Variants in ATP2A1 observed in about 807,000 individuals in gnomAD.
The protein encoded by ATP2A1 is sarcoplasmic/endoplasmic reticulum calcium ATPase 1.
A neutral mutation model predicts 109.5 loss-of-function variants in ATP2A1; 83 were observed. The observed-to-expected ratio is 0.76, with a 90% CI of 0.63 to 0.91. The LOEUF (loss-of-function observed/expected upper bound fraction) is 0.91, where lower values mean the gene tolerates loss of function less well. Ranked by LOEUF, ATP2A1 falls within the 40% of genes least tolerant of loss-of-function variation. The pLI is 0.00. For missense variants in ATP2A1, 1,101 were observed against 1,341.0 expected, an observed-to-expected ratio of 0.82 and a Z score of 2.80; for synonymous variants, 505 against 537.6, an observed-to-expected ratio of 0.94 and a Z score of 0.84.
intron 14 of ATP2A1, among the ~76,000 whole-genome samples, chr16:28,900,301 C>G (rs928464953): frequency 1.3e-5 from 2 of 149,950 alleles, no homozygotes; most frequent in African/African-American, 5.0e-5. Context: ...AGAGCAATAC[C>G]CTGTCTCAAA....
chr16:28,903,146 CGGTG>C lies in ATP2A1; in HGVS notation c.2862_2862+3del. On this transcript the variant is annotated splice_donor_variant and splice_donor_region_variant and coding_sequence_variant and intron_variant, in exon 20 of 23. Transcript: ENST00000395503. LOFTEE classifies it high-confidence loss of function. This position sits in a 1 kb window ranked among gnomAD's most constrained non-coding sequence, Gnocchi z 5.6. Reference sequence around the variant, plus strand: ...CTCATCCTCTATGTTGACCCCCTGCCGGTGAGGTTTCTTCCGCCCAGGGCCGCCC... The same window carrying C: ...CTCATCCTCTATGTTGACCCCCTGCCAGGTTTCTTCCGCCCAGGGCCGCCC... 6.2e-7 allele frequency: 1 copy of C among 1,613,484 alleles called. No homozygotes were observed. The highest frequency in any genetic ancestry group is 2.2e-5 in the East Asian group (1 of 44,862).
rs908803462 is a variant in ATP2A1 at position 28,882,469 on chromosome 16, G to A, written c.343G>A (p.Ala115Thr). 2 of 1,614,190 alleles carry A rather than the reference G, an allele frequency of 1.2e-6. No homozygotes were observed. Among genetic ancestry groups the A allele is most frequent in the South Asian group, 1.1e-5 (1 of 91,088 alleles). The change falls in exon 5 of 23, where the codon GCC becomes ACC. Residue 115 changes from alanine (A) to threonine (T), a missense_variant. Ala to Thr is a moderately conservative substitution (Grantham distance 58). Transcript: ENST00000395503. ...GVWQERNAENAIEALKEYEPE... is the reference protein window; with the variant it reads ...GVWQERNAENTIEALKEYEPE... ...TCCTCAGGAGCGGAACGCAGAGAAC[G>A]CCATCGAGGCCCTGAAGGAGTATGA...
chr16:28,898,362 C>A lies in ATP2A1; in HGVS notation c.1675C>A (p.Leu559Met), dbSNP rs1963975097. The part of the protein sequence containing the change: ...IKEWGTGRDT[L>M]RCLALATRDT... ...GGAGTGGGGCACTGGCCGGGACACCCTGCGCTGCTTGGCCCTGGCCACCCG... is the reference window on the plus strand; with the variant it reads ...GGAGTGGGGCACTGGCCGGGACACCATGCGCTGCTTGGCCCTGGCCACCCG... Residue 559 changes from leucine (L) to methionine (M), a missense_variant, in exon 14 of 23, where the codon CTG (leucine) becomes ATG (methionine). Coordinates refer to ENST00000395503, the MANE Select transcript of ATP2A1 (RefSeq NM_004320.6). The surrounding 1 kb of genome is among the most constrained non-coding windows in gnomAD (Gnocchi z 4.0). 6.2e-7 allele frequency: 1 copy of A among 1,614,074 alleles called. No individual in the cohort carries two copies. The highest frequency in any genetic ancestry group is 1.3e-5 in the African/African-American group (1 of 74,946).
At chr16:28,882,071 G>A in intron 4 of ATP2A1, among the ~76,000 whole-genome samples, 1 of 149,274 alleles carries the variant, frequency 6.7e-6, no homozygotes. Context: ...CAAGTAGCTG[G>A]GATTACAGGC....
chr16:28,887,858 T>G (rs962914107), intron 8 of ATP2A1, 136 bp downstream of exon 8: 6 of 1,169,768 alleles, frequency 5.1e-6, no homozygotes, highest in Non-Finnish European at 7.3e-6. Flanking sequence ...TGGAGTGCAG[T>G]GGCGTGATCT....
intron 4 of ATP2A1, 54 bp downstream of exon 4, chr16:28,881,073 A>C: frequency 1.3e-6 from 2 of 1,543,464 alleles, no homozygotes; most frequent in Non-Finnish European, 1.8e-6. Flanking sequence ...AGAAGAGGCC[A>C]ACCCTCCCTC....
rs1254530668 is a variant in ATP2A1 at position 28,900,575 on chromosome 16, C to T, written c.1765-6C>T. On this transcript the variant is annotated splice_polypyrimidine_tract_variant and splice_region_variant and intron_variant, in intron 14 of 22. Coordinates refer to ENST00000395503, the MANE Select transcript of ATP2A1 (RefSeq NM_004320.6). ...TGACCTGTGGCTCTCTGCTGTATCT[C>T]CCCAGACGGACCTGACATTCGTGGG... The T allele has an allele frequency of 1.3e-6, 2 of 1,552,002 alleles. No individual in the cohort carries two copies. The highest frequency in any genetic ancestry group is 1.7e-6 in the Non-Finnish European group (2 of 1,145,714).
At position 28,883,521 on chromosome 16, in the gene ATP2A1, A is replaced by G. The variant is rs371416761; in HGVS notation, c.463+932A>G. 3.9e-5 allele frequency among the ~76,000 whole-genome samples: 6 copies of G among 152,216 alleles called. No individual in the cohort carries two copies. In the East Asian group the frequency reaches 7.7e-4, roughly 20 times the overall value. ...CTCTGGCACAGGAGGGATCCTTAGAAACAGAGGGAAAGGAAAGCGATTGGA... is the reference window on the plus strand; with the variant it reads ...CTCTGGCACAGGAGGGATCCTTAGAGACAGAGGGAAAGGAAAGCGATTGGA... On this transcript the variant is annotated intron_variant, in intron 5 of 22. Transcript: ENST00000395503. This position sits in a 1 kb window ranked among gnomAD's most constrained non-coding sequence, Gnocchi z 5.2.
chr16:28,900,477 ACCACTTCCTGACCTTTC>A, intron 14 of ATP2A1, 87 bp from the exon 15 acceptor site: 2 of 360,970 alleles, frequency 5.5e-6, no homozygotes, highest in Non-Finnish European at 8.5e-6. Context: ...ACCCCTCCCC[ACCACTTCCTGACCTTTC>A]ACCCCATCCC....
rs1328418215 is a variant in ATP2A1, at chr16:28,900,634, G to C, written c.1818G>C (p.Glu606Asp). The change falls in exon 15 of 23, where the codon GAG (glutamate) becomes GAC (aspartate). Residue 606 changes from glutamate (E) to aspartate (D), a missense_variant. Transcript: ENST00000395503. Reference sequence around the variant, plus strand: ...GCATGCTGGACCCTCCGCGCAAGGAGGTCACGGGCTCCATCCAGCTGTGCC... The same window carrying C: ...GCATGCTGGACCCTCCGCGCAAGGACGTCACGGGCTCCATCCAGCTGTGCC... ...VVGMLDPPRK[E>D]VTGSIQLCRD... is the part of the protein sequence containing the mutation. 2 of 1,600,094 alleles carry C rather than the reference G, an allele frequency of 1.2e-6. No homozygotes were observed. The highest frequency in any genetic ancestry group is 2.7e-5 in the African/African-American group (2 of 74,780).
In ATP2A1 at chr16:28,896,714, A is replaced by ATT. The variant is rs1165561318; in HGVS notation, c.1420-1267_1420-1266dup. Among the ~76,000 whole-genome samples, 112 of 107,220 alleles carry ATT rather than the reference A, an allele frequency of 1.0e-3. 2 individuals are homozygous for ATT. Among genetic ancestry groups the ATT allele is most frequent in the African/African-American group, 3.4e-3 (95 of 28,180 alleles). 70.3% of individuals were successfully genotyped at this position (107,220 alleles called of 152,430 possible). A position where few individuals can be genotyped will look rare whatever the true frequency, so the allele number is the denominator to read the frequency against. ...GCGTGAGCCACTGCGCCTGGCCTTC[A>ATT]TTTTTTTTTTTTTTTTTTTTGAGAC... On this transcript the variant is annotated intron_variant, in intron 12 of 22. Transcript: ENST00000395503.
intron 12 of ATP2A1, 143 bp downstream of exon 12, chr16:28,895,096 A>C: frequency 5.5e-6 from 7 of 1,265,676 alleles, no homozygotes; most frequent in Non-Finnish European, 6.7e-6. Flanking sequence ...CAGCTTCTCC[A>C]CAGGCTGATG....
rs1413487065 is a variant in ATP2A1, at chr16:28,902,340, G to C, written c.2478G>C (p.Glu826Asp). 6.2e-7 allele frequency: 1 copy of C among 1,614,022 alleles called. No homozygotes were observed. Among genetic ancestry groups the C allele is most frequent in the East Asian group, 2.2e-5 (1 of 44,864 alleles). The change falls in exon 17 of 23, where the codon GAG becomes GAC. Residue 826 changes from glutamate (E) to aspartate (D), a missense_variant. Coordinates refer to ENST00000395503, the MANE Select transcript of ATP2A1 (RefSeq NM_004320.6). This position sits in a 1 kb window ranked among gnomAD's most constrained non-coding sequence, Gnocchi z 4.8. ...IMDRPPRSPK[E>D]PLISGWLFFR... is the part of the protein sequence containing the mutation. ...ACCGCCCCCCCCGGAGCCCCAAGGA[G>C]CCCCTCATCAGTGGCTGGCTCTTCT...
At position 28,898,171 on chromosome 16, in the gene ATP2A1, A is replaced by G. The variant is rs145397754; in HGVS notation, c.1545+46A>G. The G allele has an allele frequency of 1.2e-6, 2 of 1,614,146 alleles. No homozygotes were observed. The highest frequency in any genetic ancestry group is 2.2e-5 in the East Asian group (1 of 44,880). ...TCAGCCCCCTCTTCTTCCTACTCCT[A>G]GCCACCTGTCACTGCCCTGGAAGGA... On this transcript the variant is annotated intron_variant, in intron 13 of 22. Coordinates refer to ENST00000395503, the MANE Select transcript of ATP2A1 (RefSeq NM_004320.6). The surrounding 1 kb of genome is among the most constrained non-coding windows in gnomAD (Gnocchi z 4.0).
intron 14 of ATP2A1, 102 bp from the exon 15 acceptor site, chr16:28,900,479 C>CCCAA: frequency 2.0e-6 from 2 of 1,009,016 alleles, no homozygotes; most frequent in Non-Finnish European, 2.7e-6. Context: ...CCCTCCCCAC[C>CCCAA]ACTTCCTGAC....
Position 28,880,372 on chromosome 16 carries a change from C to G in ATP2A1, c.220-543C>G, listed in dbSNP as rs938927252. Among the ~76,000 whole-genome samples the G allele has an allele frequency of 6.6e-6, 1 of 152,258 alleles. No individual in the cohort carries two copies. Among genetic ancestry groups the G allele is most frequent in the Admixed American group, 6.5e-5 (1 of 15,290 alleles). ...TTAAGCACAAGCTGGCAGGGCCTCT[C>G]CTCTCCCTTCTCAGATTTGCTCCTT... On this transcript the variant is annotated intron_variant, in intron 3 of 22. Coordinates refer to ENST00000395503, the MANE Select transcript of ATP2A1 (RefSeq NM_004320.6). This position sits in a 1 kb window ranked among gnomAD's most constrained non-coding sequence, Gnocchi z 4.2.
chr16:28,885,459 T>C (rs887962208), intron 6 of ATP2A1, among the ~76,000 whole-genome samples: 4 of 151,934 alleles, frequency 2.6e-5, no homozygotes, highest in African/African-American at 9.7e-5. Context: ...ATTCCCTGCT[T>C]CAGCCTCCAG....
intron 6 of ATP2A1, among the ~76,000 whole-genome samples, 199 bp from the exon 7 acceptor site, chr16:28,886,990 C>T: frequency 7.4e-6 from 1 of 134,560 alleles, no homozygotes. Flanking sequence ...GCAACTCTGT[C>T]TCAAAAAAAA....
In ATP2A1 at chr16:28,898,047, A is replaced by C. The variant is rs1203165615; in HGVS notation, c.1467A>C (p.Arg489=). The C allele has an allele frequency of 2.5e-6, 4 of 1,614,082 alleles. No homozygotes were observed. The highest frequency in any genetic ancestry group is 1.3e-5 in the African/African-American group (1 of 75,004). ...MKKEFTLEFS[R]DRKSMSVYCS... Reference sequence around the variant, plus strand: ...AGGAATTCACCCTGGAGTTCTCCCGAGACAGAAAGTCCATGTCTGTCTATT... The same window carrying C: ...AGGAATTCACCCTGGAGTTCTCCCGCGACAGAAAGTCCATGTCTGTCTATT... The change falls in exon 13 of 23, where the codon CGA becomes CGC. Residue 489 remains arginine (R), a synonymous_variant. Coordinates refer to ENST00000395503, the MANE Select transcript of ATP2A1 (RefSeq NM_004320.6). The surrounding 1 kb of genome is among the most constrained non-coding windows in gnomAD (Gnocchi z 4.0).
Sources: gnomAD v4.1 joint callset for allele counts (sites outside exome capture counted in the v4.1 genomes callset) on GRCh38, gnomAD v4.1.1 for gene constraint, Gnocchi (gnomAD v3.1) non-coding constraint, MANE v1.5 for transcripts, NCBI Gene and HGNC (gene_info 2026-07-23, HGNC 2026-07-21) for gene names.